Variants in ITIH6 observed in about 807,000 individuals in gnomAD.
The protein encoded by ITIH6 is inter-alpha-trypsin inhibitor heavy chain family member 6.
A neutral mutation model predicts 58.2 loss-of-function variants in ITIH6; 60 were observed. The ratio of observed to expected loss-of-function variants is 1.03; its 90% confidence interval spans 0.84 to 1.28. The LOEUF is 1.28. Among genes scored for constraint, ITIH6 ranks in the 50% most tolerant of loss-of-function variants. The pLI is 0.00. For missense variants in ITIH6, 1,290 were observed against 1,021.1 expected (o/e 1.26, Z -3.59); for synonymous variants, 493 against 417.4 (o/e 1.18, Z -2.21).
chrX:54,767,971 G>A (rs1928837419), intron 6 of ITIH6, among the ~76,000 whole-genome samples: 2 of 98,624 alleles, frequency 2.0e-5, no homozygotes, highest in Admixed American at 1.1e-4. Context: ...TCATTGATCT[G>A]TCTAATGTTG....
chrX:54,757,628 G>T lies in ITIH6; in HGVS notation c.2446C>A (p.Gln816Lys), dbSNP rs1195334614. ...GTGTGTAGTGGGTACTTGGGAACCT[G>T]AAGTGTAGAGACTCCAGGTCTTGAC... is the stretch of plus-strand genomic sequence containing the variant. Reference protein sequence around the residue: ...PQSRPGVSTLQVPKYPLHTRP... With the variant: ...PQSRPGVSTLKVPKYPLHTRP... Residue 816 changes from glutamine (Q) to lysine (K), a missense_variant, in exon 8 of 13, where the codon CAG becomes AAG. By Grantham distance (53) the Gln-to-Lys change is moderately conservative (BLOSUM62 1). Coordinates refer to ENST00000218436, the MANE Select transcript of ITIH6 (RefSeq NM_198510.3). The T allele has an allele frequency of 3.3e-6, 4 of 1,208,798 alleles. No individual in the cohort carries two copies. Among genetic ancestry groups the T allele is most frequent in the African/African-American group, 3.5e-5 (2 of 56,744 alleles).
intron 5 of ITIH6, among the ~76,000 whole-genome samples, chrX:54,775,576 T>C (rs955850882): frequency 9.0e-6 from 1 of 111,626 alleles, no homozygotes; most frequent in Non-Finnish European, 1.9e-5. Flanking sequence ...TCTCTCTAAC[T>C]CCATTTAACA....
At chrX:54,779,756 G>T (rs1251243847) in intron 5 of ITIH6, among the ~76,000 whole-genome samples, 1 of 110,108 alleles carries the variant, frequency 9.1e-6, no homozygotes, top group African/African-American at 3.3e-5. Context: ...TGACTGAATG[G>T]ATTAAAAAAA....
chrX:54,750,136 G>A (rs1928324844), intron 12 of ITIH6, 30 bp from the exon 13 acceptor site: 2 of 1,117,019 alleles, frequency 1.8e-6, no homozygotes, highest in South Asian at 2.0e-5. Flanking sequence ...TGCTAGTCAG[G>A]GAGGTGGCCT....
At chrX:54,765,948 T>G (rs890828163) in intron 6 of ITIH6, among the ~76,000 whole-genome samples, 23 of 111,660 alleles carry the variant, frequency 2.1e-4, no homozygotes, top group Non-Finnish European at 3.9e-4. Context: ...GGTAGATTGA[T>G]GGGGATGGCA....
Position 54,753,754 on chromosome X carries a change from G to T in ITIH6, c.3249C>A (p.Asp1083Glu), listed in dbSNP as rs1356448924. Residue 1083 changes from aspartate (D) to glutamate (E), a missense_variant, in exon 11 of 13, where the codon GAC (aspartate) becomes GAA (glutamate). Transcript: ENST00000218436. ...IFTFSSSVDG[D>E]PHFVIQIPHS... ...GTGGGATTTGGATCACAAAGTGGGG[G>T]TCCCCGTCCACTGCAAGGCAGAAGA... The T allele has an allele frequency of 1.7e-6, 2 of 1,205,629 alleles. No homozygotes were observed. The highest frequency in any genetic ancestry group is 3.5e-5 in the South Asian group (2 of 56,798).
At chrX:54,796,858 C>G in intron 2 of ITIH6, 84 bp downstream of exon 2, 3 of 984,971 alleles carry the variant, frequency 3.0e-6, no homozygotes, top group Non-Finnish European at 4.3e-6. Flanking sequence ...GTCTTAATCA[C>G]TATGCTCTGC....
chrX:54,755,349 C>T (rs1928464643), intron 8 of ITIH6, among the ~76,000 whole-genome samples: 1 of 112,297 alleles, frequency 8.9e-6, no homozygotes, highest in South Asian at 3.7e-4. Flanking sequence ...TCAGGCATTG[C>T]TTAGGTATTA....
chrX:54,782,986 C>A (rs1486275891), intron 5 of ITIH6, among the ~76,000 whole-genome samples: 1 of 112,006 alleles, frequency 8.9e-6, no homozygotes, highest in Non-Finnish European at 1.9e-5. Context: ...CTCAAAAGAT[C>A]ATTATGACCA....
At chrX:54,755,465 G>A (rs1027737160) in intron 8 of ITIH6, among the ~76,000 whole-genome samples, 2 of 111,487 alleles carry the variant, frequency 1.8e-5, no homozygotes, top group African/African-American at 6.5e-5. Context: ...CACAAATGGT[G>A]ATAAATGCTA....
intron 4 of ITIH6, 63 bp downstream of exon 4, chrX:54,790,774 T>G: frequency 8.5e-7 from 1 of 1,179,043 alleles, no homozygotes; most frequent in Non-Finnish European, 1.1e-6. Flanking sequence ...CCCAGTGGAA[T>G]CGATAAGGTT....
At position 54,788,526 on chromosome X, in the gene ITIH6, A is replaced by G. The variant is rs1341743409; in HGVS notation, c.740T>C (p.Leu247Pro). ...CTCCATGACCACATCGTACTGAACC[A>G]GGAAGTCAGCCATGATGCCTGACCC... is the stretch of plus-strand genomic sequence containing the variant. ...ISGSGIMADF[L>P]VQYDVVMEDI... Residue 247 changes from leucine (L) to proline (P), a missense_variant, in exon 5 of 13, where the codon CTG (leucine) becomes CCG (proline). Transcript: ENST00000218436. 1.2e-5 allele frequency: 14 copies of G among 1,208,849 alleles called. No individual in the cohort carries two copies. The highest frequency in any genetic ancestry group is 1.8e-5 in the South Asian group (1 of 56,647).
chrX:54,755,472 G>A (rs1446227853), intron 8 of ITIH6, among the ~76,000 whole-genome samples: 1 of 111,400 alleles, frequency 9.0e-6, no homozygotes, highest in African/African-American at 3.3e-5. Context: ...GGTGATAAAT[G>A]CTATTGGAAA....
rs1241015788 is a variant in ITIH6 at position 54,770,054 on chromosome X, G to A, written c.903+4027C>T. On this transcript the variant is annotated intron_variant, in intron 6 of 12. Transcript: ENST00000218436. ...AGATTCCGTGGGCGTAGGACCCTCCGAGCCAGGTGTGGGATATAGTCTCAT... is the reference window on the plus strand; with the variant it reads ...AGATTCCGTGGGCGTAGGACCCTCCAAGCCAGGTGTGGGATATAGTCTCAT... Among the ~76,000 whole-genome samples the A allele has an allele frequency of 3.6e-5, 4 of 112,048 alleles. No individual in the cohort carries two copies. In the East Asian group the frequency reaches 8.5e-4, roughly 24 times the overall value.
At chrX:54,765,595 T>C (rs1383127999) in intron 6 of ITIH6, among the ~76,000 whole-genome samples, 1 of 50,433 alleles carries the variant, frequency 2.0e-5, no homozygotes, top group African/African-American at 5.6e-5. Context: ...ATTTCTTTTC[T>C]TTTTTTTTTT....
chrX:54,758,899 A>T lies in ITIH6; in HGVS notation c.1175T>A (p.Ile392Asn), dbSNP rs1053822276. 8.3e-6 allele frequency: 10 copies of T among 1,208,145 alleles called. No homozygotes were observed. Among genetic ancestry groups the T allele is most frequent in the Non-Finnish European group, 1.1e-5 (10 of 894,357 alleles). Residue 392 changes from isoleucine to asparagine, a missense_variant, in exon 8 of 13, where the codon ATC becomes AAC. By Grantham distance (149) the Ile-to-Asn change is moderately radical. Coordinates refer to ENST00000218436, the MANE Select transcript of ITIH6 (RefSeq NM_198510.3). Reference protein sequence around the residue: ...RGPSVGRIPLIIFLTDGEPTA... With the variant: ...RGPSVGRIPLNIFLTDGEPTA... ...GGGCTCCCCATCCGTCAGGAAGATGATAAGAGGGATCCTCCCCACACTGGG... is the reference window on the plus strand; with the variant it reads ...GGGCTCCCCATCCGTCAGGAAGATGTTAAGAGGGATCCTCCCCACACTGGG...
intron 5 of ITIH6, among the ~76,000 whole-genome samples, chrX:54,775,247 G>A (rs748075562): frequency 2.7e-5 from 3 of 111,539 alleles, no homozygotes; most frequent in African/African-American, 6.5e-5. Context: ...TACCTGGGCC[G>A]GTGAGTGCTT....
rs190929735 is a variant in ITIH6 at position 54,780,009 on chromosome X, G to A, written c.787-5812C>T. Among the ~76,000 whole-genome samples the A allele has an allele frequency of 3.6e-3, 405 of 111,516 alleles. 3 individuals are homozygous for A. The highest frequency in any genetic ancestry group is 0.012 in the African/African-American group (377 of 30,755). On this transcript the variant is annotated intron_variant, in intron 5 of 12. Transcript: ENST00000218436. ...GAAAATATATGTACCCAACACTGGA[G>A]AACCAAGATATATAAGGTAAATATT...
Position 54,774,121 on chromosome X carries a change from A to G in ITIH6, c.863T>C (p.Ile288Thr). Residue 288 changes from isoleucine to threonine, a missense_variant, in exon 6 of 13, where the codon ATT becomes ACT. Transcript: ENST00000218436. Reference sequence around the variant, plus strand: ...ACCAAACATGGAGCTGCTTACGTCAATAACAAAAACCACATTCTTCTCCAT... The same window carrying G: ...ACCAAACATGGAGCTGCTTACGTCAGTAACAAAAACCACATTCTTCTCCAT... ...PPMEKNVVFV[I>T]DVSSSMFGTK... 2 of 1,196,217 alleles carry G rather than the reference A, an allele frequency of 1.7e-6. No homozygotes were observed. The highest frequency in any genetic ancestry group is 2.3e-6 in the Non-Finnish European group (2 of 885,701).
Sources: gnomAD v4.1 joint callset for allele counts (sites outside exome capture counted in the v4.1 genomes callset) on GRCh38, gnomAD v4.1.1 for gene constraint, MANE v1.5 for transcripts, NCBI Gene and HGNC (gene_info 2026-07-23, HGNC 2026-07-21) for gene names.